CPSF4L: variants seen among roughly 807,000 people sequenced by gnomAD.
The protein encoded by CPSF4L is cleavage and polyadenylation specific factor 4 like, also known as putative cleavage and polyadenylation specificity factor subunit 4-like protein.
CPSF4L carries 18 observed loss-of-function variants against 24.0 expected under a neutral mutation model. The observed-to-expected ratio is 0.75, with a 90% CI of 0.52 to 1.11. The LOEUF (loss-of-function observed/expected upper bound fraction) is 1.11. Ranked by LOEUF, CPSF4L falls within the 50% of genes least tolerant of loss-of-function variation. The probability of loss-of-function intolerance (pLI) is 0.00; values close to 1 mark genes in which losing one functional copy is unlikely to be tolerated. For missense variants in CPSF4L, 211 were observed against 221.8 expected (o/e 0.95, Z 0.31); for synonymous variants, 72 against 77.2 (o/e 0.93, Z 0.35).
downstream of CPSF4L, chr17:73,245,644 C>T (rs972143489): frequency 8.1e-6 from 8 of 985,210 alleles, no homozygotes; most frequent in Non-Finnish European, 1.2e-6. Context: ...CAGGCCCTTC[C>T]CCTTAGTTTC....
chr17:73,261,648 G>T (rs981016032), intron 1 of CPSF4L, 68 bp downstream of exon 1: 4 of 1,099,252 alleles, frequency 3.6e-6, no homozygotes, highest in South Asian at 2.7e-5. Flanking sequence ...GCTACAGAGC[G>T]AGACTCCGTC....
rs1332558085 is a variant in CPSF4L at position 73,261,827 on chromosome 17, T to C, written c.-9A>G. On this transcript the variant is annotated 5_prime_UTR_variant, in exon 1 of 6. Transcript: ENST00000344935. ...GCAATGACCTCTTGCATCTTCCGTC[T>C]CCTGCTGGGGCTGCGGAAGCTGCTG... 3.9e-5 allele frequency: 61 copies of C among 1,548,988 alleles called. No individual in the cohort carries two copies. The highest frequency in any genetic ancestry group is 5.2e-5 in the Non-Finnish European group (60 of 1,144,684).
At chr17:73,253,386 A>C (rs2062012762) in intron 4 of CPSF4L, among the ~76,000 whole-genome samples, 1 of 152,210 alleles carries the variant, frequency 6.6e-6, no homozygotes, top group Non-Finnish European at 1.5e-5. Context: ...TCTTCTCAGC[A>C]GCCCTCACCC....
At chr17:73,248,712 C>G (rs907470127) in intron 5 of CPSF4L, 176 bp from the exon 6 acceptor site, 1 of 674,792 alleles carries the variant, frequency 1.5e-6, no homozygotes. Context: ...GCCTGAATAC[C>G]CCGGCTGTAA....
intron 5 of CPSF4L, chr17:73,250,176 T>G: frequency 2.0e-6 from 3 of 1,485,716 alleles, no homozygotes; most frequent in Non-Finnish European, 2.7e-6. Context: ...AGGCTTACTG[T>G]GGAACTTGGG....
chr17:73,248,368 T>A, downstream of CPSF4L: 2 of 869,750 alleles, frequency 2.3e-6, no homozygotes, highest in Non-Finnish European at 3.7e-6. Flanking sequence ...GTCTCTAACA[T>A]GATTTACCAT....
chr17:73,259,967 A>G (rs552230774), intron 2 of CPSF4L, among the ~76,000 whole-genome samples: 2 of 152,322 alleles, frequency 1.3e-5, no homozygotes, highest in East Asian at 1.9e-4. Context: ...GAGCCTCTAC[A>G]TGAGCCATGA....
chr17:73,261,529 C>T (rs146001374), intron 1 of CPSF4L, among the ~76,000 whole-genome samples, 187 bp downstream of exon 1: 1,759 of 152,260 alleles, frequency 0.012, 39 homozygotes, highest in African/African-American at 0.04. Context: ...GGCGTGGTGG[C>T]GGGCGCCTGT....
rs2062006126 is a variant in CPSF4L at position 73,251,540 on chromosome 17, G to A, written c.497+1090C>T. Reference sequence around the variant, plus strand: ...CTTTTTCTATAGAACACCAAACAGTGCATATTTTATACTCTGCAGGCTACT... The same window carrying A: ...CTTTTTCTATAGAACACCAAACAGTACATATTTTATACTCTGCAGGCTACT... On this transcript the variant is annotated intron_variant, in intron 5 of 5. Transcript: ENST00000344935. Among the ~76,000 whole-genome samples, 4 of 152,270 alleles carry A rather than the reference G, an allele frequency of 2.6e-5. No homozygotes were observed. The South Asian group carries it at 8.3e-4, about 32-fold the overall frequency.
chr17:73,254,053 A>C, intron 3 of CPSF4L, 27 bp from the exon 4 acceptor site: 1 of 1,525,824 alleles, frequency 6.6e-7, no homozygotes, highest in Non-Finnish European at 8.9e-7. Flanking sequence ...TCTCTGTAGA[A>C]GCAGTTTCTC....
chr17:73,251,016 G>A, intron 5 of CPSF4L: 1 of 1,549,582 alleles, frequency 6.5e-7, no homozygotes, highest in Non-Finnish European at 8.7e-7. Flanking sequence ...CCCCAGGCAG[G>A]AGAGCAGGCA....
intron 2 of CPSF4L, among the ~76,000 whole-genome samples, chr17:73,259,965 A>ACATGAGC (rs1296755711): frequency 6.6e-6 from 1 of 152,218 alleles, no homozygotes; most frequent in African/African-American, 2.4e-5. Flanking sequence ...AAGAGCCTCT[A>ACATGAGC]CATGAGCCAT....
At chr17:73,254,355 T>G (rs1288580339) in intron 3 of CPSF4L, among the ~76,000 whole-genome samples, 1 of 152,194 alleles carries the variant, frequency 6.6e-6, no homozygotes, top group African/African-American at 2.4e-5. Flanking sequence ...CCTGCGACGT[T>G]AAGTGGAGAT....
intron 5 of CPSF4L, among the ~76,000 whole-genome samples, chr17:73,250,631 TTC>T (rs2062001373): frequency 6.6e-6 from 1 of 152,228 alleles, no homozygotes; most frequent in Non-Finnish European, 1.5e-5. Flanking sequence ...ATGATTTTTT[TTC>T]TTTCTGATAA....
chr17:73,245,380 CAGAT>C, downstream of CPSF4L: 1 of 1,291,820 alleles, frequency 7.7e-7, no homozygotes, highest in Non-Finnish European at 9.9e-7. Context: ...TTAATATAGA[CAGAT>C]CTGGTTCTGT....
intron 4 of CPSF4L, among the ~76,000 whole-genome samples, chr17:73,253,279 G>A (rs2062012293): frequency 6.6e-6 from 1 of 152,208 alleles, no homozygotes; most frequent in Non-Finnish European, 1.5e-5. Context: ...AGAATTGCTT[G>A]AACCTGGGAG....
At position 73,251,249 on chromosome 17, in the gene CPSF4L, A is replaced by G. The variant is rs1298839762; in HGVS notation, c.497+1381T>C. 4.0e-6 allele frequency: 4 copies of G among 1,008,290 alleles called. No individual in the cohort carries two copies. The African/African-American group carries it at 6.5e-5, about 16-fold the overall frequency. The allele number at this position is 1,008,290 out of a possible 1,614,324, so 62.5% of individuals were successfully genotyped here. A position where few individuals can be genotyped will look rare whatever the true frequency, so the allele number is the denominator to read the frequency against. On this transcript the variant is annotated intron_variant, in intron 5 of 5. Coordinates refer to ENST00000344935, the MANE Select transcript of CPSF4L (RefSeq NM_001129885.1). ...CCTTTAGTTACAGTTTTAAGTGCCA[A>G]AAGCATACCTTTCCATCAAAGTTAG...
chr17:73,245,732 C>T (rs562542028), downstream of CPSF4L: 4 of 985,066 alleles, frequency 4.1e-6, no homozygotes, highest in African/African-American at 7.0e-5. Flanking sequence ...TGCAGGTAAG[C>T]CTCCGAAAAA....
At chr17:73,245,461 T>C, downstream of CPSF4L, 1 of 1,128,744 alleles carries the variant, frequency 8.9e-7, no homozygotes, top group African/African-American at 1.6e-5. Flanking sequence ...TGTTTAACCA[T>C]AAAGTTGTTA....
Sources: allele counts gnomAD v4.1 joint callset (sites outside exome capture counted in the v4.1 genomes callset), GRCh38; gene constraint gnomAD v4.1.1; transcripts MANE v1.5; gene names NCBI Gene and HGNC (gene_info 2026-07-23, HGNC 2026-07-21).